C1orf87: variants seen among roughly 807,000 people sequenced by gnomAD.
The protein encoded by C1orf87 is uncharacterized protein C1orf87.
A neutral mutation model predicts 60.5 loss-of-function variants in C1orf87; 58 were observed. That is an observed-to-expected ratio of 0.96 (90% CI 0.78 to 1.19). C1orf87 has a LOEUF of 1.19. Ranked by LOEUF, C1orf87 falls within the 50% of genes most tolerant of loss-of-function variation. The pLI is 0.00. For missense variants in C1orf87, 673 were observed against 638.6 expected (o/e 1.05, Z -0.58); for synonymous variants, 236 against 227.4 (o/e 1.04, Z -0.34).
intron 2 of C1orf87, among the ~76,000 whole-genome samples, chr1:60,070,474 A>G (rs1645576891): frequency 6.6e-6 from 1 of 152,176 alleles, no homozygotes; most frequent in Non-Finnish European, 1.5e-5. Context: ...CACTTTTGGG[A>G]AGACAGATTC....
chr1:60,010,199 G>T (rs568749992), intron 9 of C1orf87, among the ~76,000 whole-genome samples, 193 bp downstream of exon 9: 23 of 152,094 alleles, frequency 1.5e-4, no homozygotes, highest in Admixed American at 1.4e-3. Context: ...TGCCTTTTAT[G>T]ATCCAACTGG....
At chr1:60,067,407 TC>T (rs1645554217) in intron 2 of C1orf87, among the ~76,000 whole-genome samples, 1 of 152,146 alleles carries the variant, frequency 6.6e-6, no homozygotes, top group African/African-American at 2.4e-5. Context: ...TGATTGCCAT[TC>T]TAACTGGTGT....
At chr1:59,991,868 T>C (rs1644925925) in intron 11 of C1orf87, among the ~76,000 whole-genome samples, 1 of 152,142 alleles carries the variant, frequency 6.6e-6, no homozygotes, top group African/African-American at 2.4e-5. Context: ...AATAACTCAC[T>C]CATAAGCCCC....
At chr1:60,062,602 A>T (rs563970775) in intron 2 of C1orf87, among the ~76,000 whole-genome samples, 1 of 152,022 alleles carries the variant, frequency 6.6e-6, no homozygotes, top group Non-Finnish European at 1.5e-5. Context: ...ATACCCCCAC[A>T]TATCTGTTGT....
At chr1:60,026,716 A>G (rs1645200510) in intron 7 of C1orf87, among the ~76,000 whole-genome samples, 2 of 152,226 alleles carry the variant, frequency 1.3e-5, no homozygotes, top group Non-Finnish European at 2.9e-5. Flanking sequence ...AAATAATAGC[A>G]ACTACTAAAA....
chr1:60,046,034 C>T (rs1645365184), intron 3 of C1orf87, among the ~76,000 whole-genome samples: 1 of 152,124 alleles, frequency 6.6e-6, no homozygotes, highest in African/African-American at 2.4e-5. Flanking sequence ...CCATATATTG[C>T]AATAGGTTAA....
chr1:60,057,010 T>C (rs1645462028), intron 2 of C1orf87, among the ~76,000 whole-genome samples: 1 of 152,176 alleles, frequency 6.6e-6, no homozygotes, highest in East Asian at 1.9e-4. Context: ...GTCATCCTTT[T>C]GGTGGTGGTA....
rs1039855944 is a variant in C1orf87 at position 59,990,401 on chromosome 1, A to G, written c.*272T>C. On this transcript the variant is annotated 3_prime_UTR_variant, in exon 12 of 12. Coordinates refer to ENST00000371201, the MANE Select transcript of C1orf87 (RefSeq NM_152377.3). ...AGGAAAAAATCAAACATGTAATATT[A>G]ATAATAAGTTTTATTAAAACAGAAG... 21 of 224,086 alleles carry G rather than the reference A, an allele frequency of 9.4e-5. 1 individual carries two copies. The East Asian group carries it at 1.8e-3, about 20-fold the overall frequency. 13.9% of individuals were successfully genotyped at this position (224,086 alleles called of 1,614,324 possible). A position where few individuals can be genotyped will look rare whatever the true frequency, so the allele number is the denominator to read the frequency against.
At chr1:59,991,969 G>A (rs140425503) in intron 11 of C1orf87, among the ~76,000 whole-genome samples, 39 of 152,256 alleles carry the variant, frequency 2.6e-4, no homozygotes, top group African/African-American at 7.2e-4. Flanking sequence ...TCTCTGTCCC[G>A]TGGGGGAGAG....
intron 3 of C1orf87, among the ~76,000 whole-genome samples, chr1:60,050,050 C>T (rs569800651): frequency 1.3e-5 from 2 of 152,180 alleles, no homozygotes; most frequent in South Asian, 4.1e-4. Context: ...ACCCATTATT[C>T]ATAGTGCTGC....
intron 2 of C1orf87, among the ~76,000 whole-genome samples, chr1:60,058,584 C>T (rs1047771567): frequency 2.6e-5 from 4 of 152,110 alleles, no homozygotes; most frequent in African/African-American, 7.2e-5. Context: ...TATTTATATA[C>T]ATTAGATTAT....
intron 7 of C1orf87, among the ~76,000 whole-genome samples, chr1:60,030,814 T>C (rs1645232742): frequency 6.6e-6 from 1 of 152,238 alleles, no homozygotes; most frequent in African/African-American, 2.4e-5. Flanking sequence ...ATTGAAGGTA[T>C]GCTAGAGGAA....
At chr1:60,038,487 G>A (rs1456493233) in intron 5 of C1orf87, among the ~76,000 whole-genome samples, 1 of 151,958 alleles carries the variant, frequency 6.6e-6, no homozygotes, top group Admixed American at 6.6e-5. Context: ...GAGCTAAAAT[G>A]ACAACAGTGT....
intron 1 of C1orf87, 51 bp from the exon 2 acceptor site, chr1:60,072,721 T>G: frequency 1.1e-6 from 1 of 926,252 alleles, no homozygotes; most frequent in Non-Finnish European, 1.7e-6. Flanking sequence ...ATTAGGGAAC[T>G]GCATCATCCT....
rs71582609 is a variant in C1orf87, at chr1:59,992,224, C to CTATTTATT, written c.1481-1399_1481-1392dup. Among the ~76,000 whole-genome samples the CTATTTATT allele has an allele frequency of 6.7e-3, 961 of 143,624 alleles. 8 individuals are homozygous for CTATTTATT. Among genetic ancestry groups the CTATTTATT allele is most frequent in the Middle Eastern group, 7.0e-3 (2 of 286 alleles). 94.2% of individuals were successfully genotyped at this position (143,624 alleles called of 152,430 possible). ...AAAAGAGATTGCTTCAAGTAGGGGTCTATTTATTTATTTATTTATTTATTT... is the reference window on the plus strand; with the variant it reads ...AAAAGAGATTGCTTCAAGTAGGGGTCTATTTATTTATTTATTTATTTATTTATTTATTT... On this transcript the variant is annotated intron_variant, in intron 11 of 11. Transcript: ENST00000371201.
intron 3 of C1orf87, among the ~76,000 whole-genome samples, chr1:60,053,329 C>G (rs528991596): frequency 1.3e-5 from 2 of 152,336 alleles, no homozygotes; most frequent in East Asian, 3.9e-4. Context: ...CACTTCTCAG[C>G]TCTATGACTT....
At chr1:59,998,360 A>G (rs977206829) in intron 10 of C1orf87, among the ~76,000 whole-genome samples, 7 of 152,196 alleles carry the variant, frequency 4.6e-5, no homozygotes, top group Admixed American at 3.9e-4. Flanking sequence ...GTTTACTAAG[A>G]TCACACACAT....
intron 8 of C1orf87, among the ~76,000 whole-genome samples, chr1:60,017,323 C>A (rs1645130558): frequency 6.6e-6 from 1 of 152,168 alleles, no homozygotes; most frequent in South Asian, 2.1e-4. Flanking sequence ...GAATCAGACA[C>A]CTCAGGTTTC....
At chr1:60,032,023 G>C (rs1319041946) in intron 7 of C1orf87, among the ~76,000 whole-genome samples, 1 of 151,494 alleles carries the variant, frequency 6.6e-6, no homozygotes, top group Non-Finnish European at 1.5e-5. Context: ...CACACACACA[G>C]AGTTTTGCCT....
Sources: allele counts gnomAD v4.1 joint callset (sites outside exome capture counted in the v4.1 genomes callset), GRCh38; gene constraint gnomAD v4.1.1; transcripts MANE v1.5; gene names NCBI Gene and HGNC (gene_info 2026-07-23, HGNC 2026-07-21).